HLCS: variants seen among roughly 807,000 people sequenced by gnomAD.
The protein encoded by HLCS is holocarboxylase synthetase, also known as biotin--protein ligase.
A neutral mutation model predicts 75.0 loss-of-function variants in HLCS; 53 were observed. The ratio of observed to expected loss-of-function variants is 0.71; its 90% CI spans 0.57 to 0.89. The LOEUF (loss-of-function observed/expected upper bound fraction) is 0.89, where lower values mean the gene tolerates loss of function less well. HLCS is among the 40% of genes least tolerant of loss of function. HLCS has a pLI of 0.00. For synonymous variants in HLCS, 431 were observed against 428.6 expected (o/e 1.01, Z -0.07); for missense variants, 966 against 1,074.0 (o/e 0.90, Z 1.41).
At chr21:36,961,847 T>G (rs890114073) in intron 2 of HLCS, among the ~76,000 whole-genome samples, 189 bp downstream of exon 2, 13 of 151,296 alleles carry the variant, frequency 8.6e-5, no homozygotes, top group Non-Finnish European at 2.9e-5. Flanking sequence ...CTAGCTACTC[T>G]GGAGGCTGAG....
At chr21:36,844,794 G>A (rs915902875) in intron 6 of HLCS, among the ~76,000 whole-genome samples, 2 of 151,802 alleles carry the variant, frequency 1.3e-5, no homozygotes, top group Non-Finnish European at 2.9e-5. Flanking sequence ...CTTTAATACC[G>A]TGGGGAGAAA....
chr21:36,818,654 G>A (rs1229235620), intron 6 of HLCS, among the ~76,000 whole-genome samples: 1 of 152,150 alleles, frequency 6.6e-6, no homozygotes, highest in Non-Finnish European at 1.5e-5. Context: ...CCACACAACG[G>A]TGTCATTAAA....
chr21:36,884,847 C>T (rs555340632), intron 6 of HLCS, among the ~76,000 whole-genome samples: 4 of 152,124 alleles, frequency 2.6e-5, no homozygotes, highest in Non-Finnish European at 4.4e-5. Context: ...GTCAGGTGCA[C>T]GTGTTTCTGA....
chr21:36,928,538 C>T (rs2066502496), intron 5 of HLCS, among the ~76,000 whole-genome samples: 1 of 152,122 alleles, frequency 6.6e-6, no homozygotes, highest in African/African-American at 2.4e-5. Context: ...CCACTACACT[C>T]CAGCCTGGGC....
At chr21:36,816,437 G>A (rs1037352265) in intron 6 of HLCS, among the ~76,000 whole-genome samples, 1 of 152,062 alleles carries the variant, frequency 6.6e-6, no homozygotes, top group Non-Finnish European at 1.5e-5. Context: ...TGCTGTAGGG[G>A]ATAAACTTAA....
intron 2 of HLCS, among the ~76,000 whole-genome samples, chr21:36,956,603 G>A (rs568150717): frequency 1.3e-4 from 20 of 152,130 alleles, no homozygotes; most frequent in East Asian, 1.2e-3. Flanking sequence ...GGTGGTGGGC[G>A]CCTGTAGTCC....
intron 6 of HLCS, among the ~76,000 whole-genome samples, chr21:36,866,081 A>C (rs1281987412): frequency 6.6e-6 from 1 of 152,258 alleles, no homozygotes; most frequent in Non-Finnish European, 1.5e-5. Flanking sequence ...CAGTTTCTTG[A>C]ATTCACATGT....
chr21:36,887,058 A>T (rs1234190152), intron 6 of HLCS, among the ~76,000 whole-genome samples: 1 of 151,684 alleles, frequency 6.6e-6, no homozygotes, highest in Admixed American at 6.6e-5. Context: ...TGATCCCCGG[A>T]GACAGAGGTT....
At chr21:36,932,572 A>G (rs931944787) in intron 4 of HLCS, among the ~76,000 whole-genome samples, 3 of 152,184 alleles carry the variant, frequency 2.0e-5, no homozygotes, top group Admixed American at 2.0e-4. Flanking sequence ...ACTTACTGGA[A>G]CCTCTAGCTC....
At chr21:36,898,274 C>T (rs1187879206) in intron 5 of HLCS, among the ~76,000 whole-genome samples, 2 of 151,558 alleles carry the variant, frequency 1.3e-5, no homozygotes, top group Admixed American at 6.6e-5. Context: ...GGTGAAACTC[C>T]GTCTCTACTA....
chr21:36,915,581 A>T (rs1278395522), intron 5 of HLCS, among the ~76,000 whole-genome samples: 1 of 152,136 alleles, frequency 6.6e-6, no homozygotes. Context: ...AACCCCACAC[A>T]CTCAAGGCCA....
chr21:36,921,699 C>A (rs911826983), intron 5 of HLCS, among the ~76,000 whole-genome samples: 1 of 152,222 alleles, frequency 6.6e-6, no homozygotes. Context: ...GCCTCGGAGG[C>A]GCAGCAGCAC....
Position 36,937,090 on chromosome 21 carries a change from ACTCAATGGTG to A in HLCS, c.786_795del (p.Thr263GlnfsTer139). 6.2e-7 allele frequency: 1 copy of A among 1,613,932 alleles called. No homozygotes were observed. The highest frequency in any genetic ancestry group is 1.3e-5 in the African/African-American group (1 of 74,976). On this transcript the variant is annotated frameshift_variant, in exon 4 of 11. Transcript: ENST00000674895. LOFTEE classifies it high-confidence loss of function. ...TTCTCGGCAGACGCAAACTTGACTG[ACTCAATGGTG>A]CTGTTCTCAAGTTCCAGACACTCGT...
chr21:36,762,751 G>A (rs751979501), intron 8 of HLCS, among the ~76,000 whole-genome samples: 11 of 152,166 alleles, frequency 7.2e-5, no homozygotes, highest in Non-Finnish European at 1.3e-4. Flanking sequence ...TAAGGAGAAC[G>A]GGAACACAAA....
rs1047390663 is a variant in HLCS, at chr21:36,756,382, C to T, written c.2450+160G>A. Among the ~76,000 whole-genome samples the T allele has an allele frequency of 8.4e-5, 11 of 130,988 alleles. No individual in the cohort carries two copies. The East Asian group carries it at 2.0e-3, about 24-fold the overall frequency. The allele number at this position is 130,988 out of a possible 152,430, so 85.9% of individuals were successfully genotyped here. A position where few individuals can be genotyped will look rare whatever the true frequency, so the allele number is the denominator to read the frequency against. Reference sequence around the variant, plus strand: ...AGGAGAATGGCGTGAACCCGGGAGGCGGAGCTTGCAGTGAGCCAAGATCGT... The same window carrying T: ...AGGAGAATGGCGTGAACCCGGGAGGTGGAGCTTGCAGTGAGCCAAGATCGT... On this transcript the variant is annotated intron_variant, in intron 10 of 10. Coordinates refer to ENST00000674895, the MANE Select transcript of HLCS (RefSeq NM_001352514.2).
intron 6 of HLCS, among the ~76,000 whole-genome samples, chr21:36,798,085 T>C (rs2061083279): frequency 6.6e-6 from 1 of 152,150 alleles, no homozygotes; most frequent in Admixed American, 6.5e-5. Context: ...GGAAGCTACC[T>C]TGGCAAGGAA....
intron 6 of HLCS, among the ~76,000 whole-genome samples, chr21:36,821,790 A>T (rs892681246): frequency 3.3e-5 from 5 of 152,236 alleles, no homozygotes; most frequent in Non-Finnish European, 7.3e-5. Flanking sequence ...CCTGAAACTG[A>T]CAAGTTTGAA....
At chr21:36,763,890 T>C (rs2089940530) in intron 8 of HLCS, among the ~76,000 whole-genome samples, 1 of 152,182 alleles carries the variant, frequency 6.6e-6, no homozygotes, top group Non-Finnish European at 1.5e-5. Context: ...ACACGGGTCC[T>C]AATAGCTGGG....
chr21:36,798,173 C>T (rs1227263888), intron 6 of HLCS, among the ~76,000 whole-genome samples: 1 of 152,044 alleles, frequency 6.6e-6, no homozygotes, highest in African/African-American at 2.4e-5. Flanking sequence ...AACGAGGAGG[C>T]CCAGACCACT....
Sources: gnomAD v4.1 joint callset for allele counts (sites outside exome capture counted in the v4.1 genomes callset) on GRCh38, gnomAD v4.1.1 for gene constraint, MANE v1.5 for transcripts, NCBI Gene and HGNC (gene_info 2026-07-23, HGNC 2026-07-21) for gene names.